FIGLA: variants seen among roughly 807,000 people sequenced by gnomAD.
FIGLA encodes the protein folliculogenesis specific bHLH transcription factor, also known as factor in the germline alpha.
FIGLA carries 17 observed loss-of-function variants against 21.5 expected under a neutral mutation model. That is an observed-to-expected ratio of 0.79 (90% confidence interval 0.54 to 1.19). The LOEUF (loss-of-function observed/expected upper bound fraction) is 1.19, where lower values mean the gene tolerates loss of function less well. Ranked by LOEUF, FIGLA falls within the 50% of genes most tolerant of loss-of-function variation. The probability of loss-of-function intolerance (pLI) is 0.00; values close to 1 mark genes in which losing one functional copy is unlikely to be tolerated. For missense variants in FIGLA, 282 were observed against 285.0 expected (o/e 0.99, Z 0.08); for synonymous variants, 129 against 117.6 (o/e 1.10, Z -0.63).
intron 3 of FIGLA, among the ~76,000 whole-genome samples, chr2:70,784,123 T>A (rs1296000897): frequency 6.6e-6 from 1 of 152,124 alleles, no homozygotes; most frequent in Non-Finnish European, 1.5e-5. Flanking sequence ...AAATCTACAC[T>A]GAGCATATGC....
At chr2:70,786,460 C>G (rs1324148336) in intron 2 of FIGLA, among the ~76,000 whole-genome samples, 1 of 152,022 alleles carries the variant, frequency 6.6e-6, no homozygotes, top group African/African-American at 2.4e-5. Flanking sequence ...CCTGCCACCA[C>G]GCCCGGCTAA....
chr2:70,787,796 T>C lies in FIGLA; in HGVS notation c.237A>G (p.Lys79=), dbSNP rs782504042. 24 of 1,611,828 alleles carry C rather than the reference T, an allele frequency of 1.5e-5. No homozygotes were observed. Among genetic ancestry groups the C allele is most frequent in the South Asian group, 1.2e-4 (11 of 90,352 alleles). Residue 79 remains lysine, a synonymous_variant, in exon 2 of 5, where the codon AAA becomes AAG. Coordinates refer to ENST00000332372, the MANE Select transcript of FIGLA (RefSeq NM_001004311.3). ...ATCTGGCAAAACCACGGTTGAGATT[T>C]TTTATCTAGAAAACAAAAAGGCACA... is the stretch of plus-strand genomic sequence containing the variant. ...VANAKERERI[K]NLNRGFARLK... is the part of the protein sequence containing the mutation.
chr2:70,790,378 G>A (rs1159039534), intron 1 of FIGLA, 30 bp downstream of exon 1: 9 of 1,494,446 alleles, frequency 6.0e-6, no homozygotes, highest in Admixed American at 2.1e-5. Context: ...GGGAAGGGGG[G>A]AACGGACGTC....
intron 4 of FIGLA, 100 bp downstream of exon 4, chr2:70,777,537 A>G (rs1675781194): frequency 6.6e-7 from 1 of 1,519,500 alleles, no homozygotes; most frequent in Non-Finnish European, 8.9e-7. Flanking sequence ...CCTTCTTTTA[A>G]TAGAGCTCAT....
rs1021787303 is a variant in FIGLA at position 70,790,611 on chromosome 2, G to A, written c.28C>T (p.Pro10Ser). The A allele has an allele frequency of 2.3e-4, 333 of 1,434,376 alleles. No homozygotes were observed. Among genetic ancestry groups the A allele is most frequent in the Non-Finnish European group, 2.8e-4 (308 of 1,100,952 alleles). The allele number at this position is 1,434,376 out of a possible 1,614,324, so 88.9% of individuals were successfully genotyped here. A position where few individuals can be genotyped will look rare whatever the true frequency, so the allele number is the denominator to read the frequency against. The change falls in exon 1 of 5, where the codon CCC (proline) becomes TCC (serine). Residue 10 changes from proline (P) to serine (S), a missense_variant. Pro to Ser is a moderately conservative substitution (Grantham distance 74, BLOSUM62 -1). Coordinates refer to ENST00000332372, the MANE Select transcript of FIGLA (RefSeq NM_001004311.3). MDPAPGVLD[P>S]RAAPPALLGT... ...AGGAGCGCGGGCGGCGCGGCGCGGG[G>A]ATCTAGGACGCCGGGCGCGGGGTCC...
Position 70,785,507 on chromosome 2 carries a change from G to A in FIGLA, c.517C>T (p.Pro173Ser), listed in dbSNP as rs201566337. The change falls in exon 3 of 5, where the codon CCT (proline) becomes TCT (serine). Residue 173 changes from proline (P) to serine (S), a missense_variant. Physicochemically the swap from Pro to Ser is moderately conservative, Grantham distance 74 (BLOSUM62 -1). Coordinates refer to ENST00000332372, the MANE Select transcript of FIGLA (RefSeq NM_001004311.3). ...AFGLKNEEEG[P>S]WADGGSGEPA... ...TCACCACTGCCACCATCTGCCCAAG[G>A]CCCTTCCTCTTCATTCTTCAAGCCG... 2.1e-4 allele frequency: 335 copies of A among 1,613,872 alleles called. No individual in the cohort carries two copies. The highest frequency in any genetic ancestry group is 2.6e-4 in the Non-Finnish European group (305 of 1,179,896).
At chr2:70,790,204 C>T (rs1056571121) in intron 1 of FIGLA, among the ~76,000 whole-genome samples, 6 of 152,208 alleles carry the variant, frequency 3.9e-5, no homozygotes, top group South Asian at 2.1e-4. Flanking sequence ...GCCACCGCAG[C>T]GGCCGCCAAC....
chr2:70,778,312 A>G (rs938506426), intron 3 of FIGLA, among the ~76,000 whole-genome samples: 1 of 152,198 alleles, frequency 6.6e-6, no homozygotes, highest in Non-Finnish European at 1.5e-5. Context: ...TGTATAGCAC[A>G]GGGTGGTTGT....
rs782199264 is a variant in FIGLA at position 70,790,470 on chromosome 2, T to C, written c.169A>G (p.Thr57Ala). ...KRLPSGGYSS[T>A]ENLQLVLERR... ...TCCAGCACCAACTGGAGGTTTTCAGTGGACGAGTAGCCGCCCGAGGGCAGC... is the reference window on the plus strand; with the variant it reads ...TCCAGCACCAACTGGAGGTTTTCAGCGGACGAGTAGCCGCCCGAGGGCAGC... The change falls in exon 1 of 5, where the codon ACT becomes GCT. Residue 57 changes from threonine (T) to alanine (A), a missense_variant. Coordinates refer to ENST00000332372, the MANE Select transcript of FIGLA (RefSeq NM_001004311.3). The C allele has an allele frequency of 3.2e-6, 5 of 1,545,104 alleles. No individual in the cohort carries two copies. Among genetic ancestry groups the C allele is most frequent in the South Asian group, 1.2e-5 (1 of 83,818 alleles).
intron 1 of FIGLA, 31 bp downstream of exon 1, chr2:70,790,377 G>T (rs538528747): frequency 1.3e-6 from 2 of 1,493,388 alleles, no homozygotes; most frequent in Non-Finnish European, 1.8e-6. Flanking sequence ...AGGGAAGGGG[G>T]GAACGGACGT....
chr2:70,780,078 C>T (rs1233436132), intron 3 of FIGLA, among the ~76,000 whole-genome samples: 11 of 152,302 alleles, frequency 7.2e-5, no homozygotes, highest in South Asian at 4.1e-4. Context: ...TCTGTCTGCA[C>T]GAATACTTGC....
At chr2:70,778,401 C>G (rs1322550284) in intron 3 of FIGLA, among the ~76,000 whole-genome samples, 3 of 151,764 alleles carry the variant, frequency 2.0e-5, no homozygotes, top group African/African-American at 7.2e-5. Flanking sequence ...CTTTTTTTTT[C>G]TAATCTTGAT....
chr2:70,789,783 C>A (rs1035050896), intron 1 of FIGLA, among the ~76,000 whole-genome samples: 1 of 152,282 alleles, frequency 6.6e-6, no homozygotes, highest in African/African-American at 2.4e-5. Flanking sequence ...CAGCAGGTGC[C>A]GCTCCAACCA....
At chr2:70,781,205 CA>C (rs1340543516) in intron 3 of FIGLA, among the ~76,000 whole-genome samples, 1 of 151,976 alleles carries the variant, frequency 6.6e-6, no homozygotes, top group Admixed American at 6.6e-5. Flanking sequence ...TGTTAAAGTT[CA>C]AGTGGGTGAG....
intron 3 of FIGLA, among the ~76,000 whole-genome samples, chr2:70,782,129 T>C (rs1390695433): frequency 6.6e-6 from 1 of 152,080 alleles, no homozygotes; most frequent in Non-Finnish European, 1.5e-5. Context: ...TTTACATAGT[T>C]TCAAAGCACC....
intron 3 of FIGLA, among the ~76,000 whole-genome samples, chr2:70,777,929 G>A (rs955410434): frequency 2.0e-5 from 3 of 152,138 alleles, no homozygotes; most frequent in Non-Finnish European, 2.9e-5. Flanking sequence ...TTTTACTAAC[G>A]TGGCAAGATC....
intron 4 of FIGLA, 64 bp downstream of exon 4, chr2:70,777,573 C>T: frequency 6.4e-7 from 1 of 1,570,316 alleles, no homozygotes; most frequent in Non-Finnish European, 8.7e-7. Context: ...GGAATTAGCA[C>T]TCTTATTATA....
At position 70,787,643 on chromosome 2, in the gene FIGLA, C is replaced by G. The variant is rs782288538; in HGVS notation, c.384+6G>C. 1.4e-5 allele frequency: 22 copies of G among 1,556,178 alleles called. No homozygotes were observed. Among genetic ancestry groups the G allele is most frequent in the Non-Finnish European group, 1.9e-5 (22 of 1,149,550 alleles). The stretch of plus-strand genomic sequence containing the variant: ...CTATCATTATTCTAAAATCTTACAC[C>G]TTTACCTTTGAGTCTTTGGCTCCTT... On this transcript the variant is annotated splice_donor_region_variant and intron_variant, in intron 2 of 4. Coordinates refer to ENST00000332372, the MANE Select transcript of FIGLA (RefSeq NM_001004311.3).
chr2:70,787,925 GC>G, intron 1 of FIGLA, 124 bp from the exon 2 acceptor site: 1 of 908,838 alleles, frequency 1.1e-6, no homozygotes, highest in Non-Finnish European at 1.7e-6. Flanking sequence ...ACAGGCATAT[GC>G]CCCAAAGAGT....
Sources: gnomAD v4.1 joint callset for allele counts (sites outside exome capture counted in the v4.1 genomes callset) on GRCh38, gnomAD v4.1.1 for gene constraint, MANE v1.5 for transcripts, NCBI Gene and HGNC (gene_info 2026-07-23, HGNC 2026-07-21) for gene names.